ASTN2: variants seen among roughly 807,000 people sequenced by gnomAD.
The protein encoded by ASTN2 is astrotactin 2, also known as astrotactin-2.
A neutral mutation model predicts 139.8 loss-of-function variants in ASTN2; 54 were observed. The ratio of observed to expected loss-of-function variants is 0.39; its 90% CI spans 0.31 to 0.48. The LOEUF is 0.48. Among genes scored for constraint, ASTN2 ranks in the 20% least tolerant of loss-of-function variants. ASTN2 has a pLI of 0.95. For missense variants in ASTN2, 1,565 were observed against 1,725.1 expected, an observed-to-expected ratio of 0.91 and a Z score of 1.64; for synonymous variants, 756 against 719.5, an observed-to-expected ratio of 1.05 and a Z score of -0.81.
At chr9:116,750,046 CACTA>C (rs759295684) in intron 13 of ASTN2, among the ~76,000 whole-genome samples, 1 of 152,168 alleles carries the variant, frequency 6.6e-6, no homozygotes, top group Non-Finnish European at 1.5e-5. Context: ...TAGTCTAACA[CACTA>C]ACTGTGTTTT....
At chr9:117,111,179 C>G (rs1829239489) in intron 4 of ASTN2, among the ~76,000 whole-genome samples, 1 of 152,088 alleles carries the variant, frequency 6.6e-6, no homozygotes, top group African/African-American at 2.4e-5. Context: ...AAGTTAAATC[C>G]AAAATTACTC....
At chr9:116,834,865 T>C (rs1412796344) in intron 11 of ASTN2, among the ~76,000 whole-genome samples, 2 of 152,110 alleles carry the variant, frequency 1.3e-5, no homozygotes, top group Admixed American at 6.6e-5. Flanking sequence ...CTGGGCAACA[T>C]AGTGAGATCC....
chr9:117,245,631 A>G (rs1353013539), intron 2 of ASTN2, among the ~76,000 whole-genome samples: 1 of 152,070 alleles, frequency 6.6e-6, no homozygotes, highest in Admixed American at 6.6e-5. Flanking sequence ...TTTCAGGCAC[A>G]CCCTGAATGC....
intron 19 of ASTN2, among the ~76,000 whole-genome samples, chr9:116,545,588 A>G (rs973059488): frequency 6.6e-6 from 1 of 152,212 alleles, no homozygotes; most frequent in Non-Finnish European, 1.5e-5. Flanking sequence ...AAGCTTGCAG[A>G]AAAACTTATT....
chr9:116,813,438 A>T (rs938387591), intron 12 of ASTN2, among the ~76,000 whole-genome samples: 4 of 152,210 alleles, frequency 2.6e-5, no homozygotes, highest in Non-Finnish European at 5.9e-5. Context: ...TCACTAATCA[A>T]GGTCACATGA....
At chr9:117,318,741 G>T (rs1828226072) in intron 1 of ASTN2, among the ~76,000 whole-genome samples, 1 of 152,114 alleles carries the variant, frequency 6.6e-6, no homozygotes, top group South Asian at 2.1e-4. Flanking sequence ...GAAAATCGAG[G>T]GCTCAAGCAG....
chr9:116,629,864 A>C (rs1467718418), intron 17 of ASTN2, among the ~76,000 whole-genome samples: 7 of 152,114 alleles, frequency 4.6e-5, no homozygotes, highest in Admixed American at 2.0e-4. Flanking sequence ...ATAAATATAC[A>C]ACCCACTGAG....
rs184989788 is a variant in ASTN2 at position 117,084,017 on chromosome 9, G to A, written c.1276+12027C>T. Among the ~76,000 whole-genome samples, 87 of 144,414 alleles carry A rather than the reference G, an allele frequency of 6.0e-4. 2 individuals are homozygous for A. In the East Asian group the frequency reaches 0.016, roughly 27 times the overall value. The allele number at this position is 144,414 out of a possible 152,430, so 94.7% of individuals were successfully genotyped here. ...GTTTCTGTGGGTTTGGGTAGAAGTA[G>A]TCCAGAAGGGATCTTTAAGAAAAAA... On this transcript the variant is annotated intron_variant, in intron 5 of 22. Coordinates refer to ENST00000313400, the MANE Select transcript of ASTN2 (RefSeq NM_001365068.1).
chr9:116,608,622 G>T (rs1307599391), intron 19 of ASTN2, among the ~76,000 whole-genome samples: 1 of 152,002 alleles, frequency 6.6e-6, no homozygotes, highest in South Asian at 2.1e-4. Context: ...TTGAACAAAA[G>T]AGTTTGAACA....
chr9:116,546,525 G>T (rs921397402), intron 19 of ASTN2: 8 of 152,164 alleles, frequency 5.3e-5, no homozygotes, highest in Admixed American at 3.3e-4. Context: ...TAAGAGATAG[G>T]CATGGGTCTG....
intron 2 of ASTN2, among the ~76,000 whole-genome samples, chr9:117,283,751 A>G (rs1834382382): frequency 6.6e-6 from 1 of 152,176 alleles, no homozygotes; most frequent in Admixed American, 6.5e-5. Context: ...TCTGAAAAGC[A>G]TTTGGGAATC....
intron 10 of ASTN2, among the ~76,000 whole-genome samples, chr9:116,932,191 C>A (rs1174667920): frequency 6.6e-6 from 1 of 152,120 alleles, no homozygotes; most frequent in African/African-American, 2.4e-5. Context: ...TGGAGCACCT[C>A]TTATATGTGA....
At chr9:117,305,510 C>T (rs191747146) in intron 1 of ASTN2, among the ~76,000 whole-genome samples, 43 of 152,308 alleles carry the variant, frequency 2.8e-4, no homozygotes, top group East Asian at 1.7e-3. Flanking sequence ...ATTCCCACCT[C>T]TGCCACTCTA....
chr9:117,221,940 T>C (rs1420271046), intron 2 of ASTN2, among the ~76,000 whole-genome samples: 2 of 152,032 alleles, frequency 1.3e-5, no homozygotes, highest in Non-Finnish European at 2.9e-5. Flanking sequence ...GGAGACAGAA[T>C]ATGCAGCCGA....
rs562054248 is a variant in ASTN2 at position 117,414,630 on chromosome 9, C to CGCGGCG, written c.303_308dup (p.Ala102_Ala103dup). The CGCGGCG allele has an allele frequency of 6.3e-5, 91 of 1,436,578 alleles. No homozygotes were observed. The highest frequency in any genetic ancestry group is 1.0e-4 in the South Asian group (7 of 67,788). 89.0% of individuals were successfully genotyped at this position (1,436,578 alleles called of 1,614,324 possible). A position where few individuals can be genotyped will look rare whatever the true frequency, so the allele number is the denominator to read the frequency against. ...CGGCAGAGCCAGGAGAGCCCGGGGACGCGGCGGCGGCGGCGGCTCCGGCCC... is the reference window on the plus strand; with the variant it reads ...CGGCAGAGCCAGGAGAGCCCGGGGACGCGGCGGCGGCGGCGGCGGCGGCTCCGGCCC... On this transcript the variant is annotated inframe_insertion, in exon 1 of 23. Transcript: ENST00000313400. The surrounding 1 kb of genome is among the most constrained non-coding windows in gnomAD (Gnocchi z 4.2).
chr9:117,283,989 T>C (rs973965680), intron 2 of ASTN2, among the ~76,000 whole-genome samples: 3 of 152,160 alleles, frequency 2.0e-5, no homozygotes, highest in Admixed American at 6.5e-5. Flanking sequence ...CAGTTACTTT[T>C]GCACCAGCCT....
rs757033958 is a variant in ASTN2, at chr9:117,214,341, T to C, written c.1015+17A>G. 2.6e-6 allele frequency: 4 copies of C among 1,547,758 alleles called. No homozygotes were observed. The highest frequency in any genetic ancestry group is 3.5e-6 in the Non-Finnish European group (4 of 1,134,374). On this transcript the variant is annotated intron_variant, in intron 3 of 22. Coordinates refer to ENST00000313400, the MANE Select transcript of ASTN2 (RefSeq NM_001365068.1). ...AAAATGCCCCCTGGAAAATGGGCTG[T>C]GACATGGAGGACTCACCTTTCTTCT...
rs1465338141 is a variant in ASTN2, at chr9:116,839,272, C to A, written c.2041-18489G>T. On this transcript the variant is annotated intron_variant, in intron 11 of 22. Transcript: ENST00000313400. ...AAGGGATCCTCTTGCCTCAGCCTCT[C>A]GAATAGCTGGGACTACAGGCATGTG... Among the ~76,000 whole-genome samples the A allele has an allele frequency of 2.0e-5, 3 of 152,116 alleles. No homozygotes were observed. In the East Asian group the frequency reaches 5.8e-4, roughly 29 times the overall value.
chr9:116,901,897 A>G (rs1834019870), intron 10 of ASTN2, among the ~76,000 whole-genome samples: 1 of 152,124 alleles, frequency 6.6e-6, no homozygotes, highest in African/African-American at 2.4e-5. Context: ...GCATGGTGGT[A>G]TGTGCCTATA....
Sources: allele counts gnomAD v4.1 joint callset (sites outside exome capture counted in the v4.1 genomes callset), GRCh38; gene constraint gnomAD v4.1.1; non-coding constraint Gnocchi (gnomAD v3.1); transcripts MANE v1.5; gene names NCBI Gene and HGNC (gene_info 2026-07-23, HGNC 2026-07-21).